Variants in HTRA2 observed in about 807,000 individuals in gnomAD.
The protein encoded by HTRA2 is HtrA serine peptidase 2, also known as serine protease HTRA2, mitochondrial.
HTRA2 carries 24 observed loss-of-function variants against 42.2 expected under a neutral mutation model. That is an observed-to-expected ratio of 0.57 (90% confidence interval 0.41 to 0.80). The LOEUF (loss-of-function observed/expected upper bound fraction) is 0.80. Among genes scored for constraint, HTRA2 ranks in the 30% least tolerant of loss-of-function variants. The probability of loss-of-function intolerance (pLI) is 0.00; values close to 1 mark genes in which losing one functional copy is unlikely to be tolerated. For synonymous variants in HTRA2, 245 were observed against 255.8 expected (o/e 0.96, Z 0.40); for missense variants, 466 against 613.5 (o/e 0.76, Z 2.54).
rs758108369 is a variant in HTRA2 at position 74,532,634 on chromosome 2, A to G, written c.1131A>G (p.Leu377=). ...LTLSPSILAE[L]QLREPSFPDV... The stretch of plus-strand genomic sequence containing the variant: ...GTACTTTCAGCATCCTTGCTGAACT[A>G]CAGCTTCGAGAACCAAGCTTTCCCG... Residue 377 remains leucine (L), a synonymous_variant, in exon 7 of 8, where the codon CTA becomes CTG. Transcript: ENST00000258080. 1.2e-4 allele frequency: 196 copies of G among 1,613,420 alleles called. No homozygotes were observed. The highest frequency in any genetic ancestry group is 1.6e-4 in the Non-Finnish European group (189 of 1,180,012).
upstream of HTRA2, chr2:74,529,483 A>C (rs372473706): frequency 1.5e-5 from 24 of 1,555,900 alleles, no homozygotes; most frequent in African/African-American, 3.0e-4. Context: ...AGCAGTAGGA[A>C]GCAGTCACCC....
In HTRA2 at chr2:74,529,990, C is replaced by A. The variant is rs749968474; in HGVS notation, c.-17C>A. The A allele has an allele frequency of 1.7e-5, 26 of 1,511,320 alleles. No individual in the cohort carries two copies. In the Middle Eastern group the frequency reaches 6.7e-4, roughly 39 times the overall value. 93.6% of individuals were successfully genotyped at this position (1,511,320 alleles called of 1,614,324 possible). On this transcript the variant is annotated 5_prime_UTR_variant, in exon 1 of 8. Coordinates refer to ENST00000258080, the MANE Select transcript of HTRA2 (RefSeq NM_013247.5). ...CCTCTGAGTAGGGCGGGCGAGGAGG[C>A]AGCCAAGGCGGAGCTGATGGCTGCG...
upstream of HTRA2, chr2:74,529,719 C>A (rs1332925210): frequency 6.5e-7 from 1 of 1,529,500 alleles, no homozygotes; most frequent in Admixed American, 2.0e-5. Context: ...AGTCTTTGGG[C>A]ATCCGCCCGG....
upstream of HTRA2, chr2:74,529,462 G>A (rs992422054): frequency 1.6e-5 from 25 of 1,562,692 alleles, no homozygotes; most frequent in Non-Finnish European, 1.5e-5. Flanking sequence ...GGCGCGTAGA[G>A]CAGCAGCACG....
In HTRA2 at chr2:74,532,612, C is replaced by T; in HGVS notation, c.1116-7C>T. 6.2e-7 allele frequency: 1 copy of T among 1,612,076 alleles called. No homozygotes were observed. Among genetic ancestry groups the T allele is most frequent in the Non-Finnish European group, 8.5e-7 (1 of 1,178,892 alleles). On this transcript the variant is annotated splice_polypyrimidine_tract_variant and splice_region_variant and intron_variant, in intron 6 of 7. Coordinates refer to ENST00000258080, the MANE Select transcript of HTRA2 (RefSeq NM_013247.5). The stretch of plus-strand genomic sequence containing the variant: ...TTTGGCTAATAGGGTGATCTGTGTA[C>T]TTTCAGCATCCTTGCTGAACTACAG...
intron 6 of HTRA2, 137 bp downstream of exon 6, chr2:74,532,062 CCCTT>C (rs1445274205): frequency 2.1e-5 from 18 of 868,164 alleles, no homozygotes; most frequent in Admixed American, 1.2e-4. Context: ...AGAGCTGTCT[CCCTT>C]CATCATCTTG....
At chr2:74,529,536 C>T, upstream of HTRA2, 1 of 1,549,592 alleles carries the variant, frequency 6.5e-7, no homozygotes, top group Non-Finnish European at 8.7e-7. Context: ...GCGCCGAAGG[C>T]CGAGAGCACG....
chr2:74,529,762 G>C (rs1483842039), upstream of HTRA2: 1 of 1,488,888 alleles, frequency 6.7e-7, no homozygotes, highest in Non-Finnish European at 8.9e-7. Flanking sequence ...AGGCGCGCCG[G>C]AAGGGCTAGC....
intron 6 of HTRA2, among the ~76,000 whole-genome samples, 178 bp downstream of exon 6, chr2:74,532,103 C>T (rs1181795715): frequency 6.6e-6 from 1 of 152,206 alleles, no homozygotes; most frequent in Admixed American, 6.5e-5. Flanking sequence ...CCACTTTGTA[C>T]ACCTGTCACC....
chr2:74,531,224 G>C, intron 3 of HTRA2, 115 bp from the exon 4 acceptor site: 1 of 1,541,578 alleles, frequency 6.5e-7, no homozygotes, highest in Non-Finnish European at 9.0e-7. Flanking sequence ...GCAAAAATGT[G>C]GCCACTTATT....
At position 74,533,006 on chromosome 2, in the gene HTRA2, G is replaced by T; in HGVS notation, c.*21G>T. Reference sequence around the variant, plus strand: ...AATGAATAGATCACCAAGAGTATGAGGCTCCTGCTCTGATTTCCTCCTTGC... The same window carrying T: ...AATGAATAGATCACCAAGAGTATGATGCTCCTGCTCTGATTTCCTCCTTGC... On this transcript the variant is annotated 3_prime_UTR_variant, in exon 8 of 8. Coordinates refer to ENST00000258080, the MANE Select transcript of HTRA2 (RefSeq NM_013247.5). 1 of 1,611,988 alleles carries T rather than the reference G, an allele frequency of 6.2e-7. No homozygotes were observed. Among genetic ancestry groups the T allele is most frequent in the Non-Finnish European group, 8.5e-7 (1 of 1,178,654 alleles).
Position 74,530,284 on chromosome 2 carries a change from G to A in HTRA2, c.278G>A (p.Arg93Gln), listed in dbSNP as rs755085202. ...GCGGTGACCCCAGATACCAGGACCC[G>A]GGAGGCCTCAGAGAACTCTGGAACC... The part of the protein sequence containing the change: ...LTAVTPDTRT[R>Q]EASENSGTRS... The change falls in exon 1 of 8, where the codon CGG (arginine) becomes CAG (glutamine). Residue 93 changes from arginine to glutamine, a missense_variant. Physicochemically the swap from Arg to Gln is conservative, Grantham distance 43. Transcript: ENST00000258080. The surrounding 1 kb of genome is among the most constrained non-coding windows in gnomAD (Gnocchi z 7.4). 1.2e-6 allele frequency: 2 copies of A among 1,604,558 alleles called. No homozygotes were observed. Among genetic ancestry groups the A allele is most frequent in the Admixed American group, 1.7e-5 (1 of 59,364 alleles).
chr2:74,529,626 C>G (rs1487905172), upstream of HTRA2: 1 of 1,567,704 alleles, frequency 6.4e-7, no homozygotes, highest in Non-Finnish European at 8.6e-7. Flanking sequence ...GAGGGAAGCT[C>G]CATAACTGCT....
chr2:74,533,543 G>T, downstream of HTRA2: 1 of 1,453,334 alleles, frequency 6.9e-7, no homozygotes, highest in East Asian at 2.3e-5. Context: ...AGCTCCTGAG[G>T]TAATGGCAGC....
chr2:74,531,666 C>A lies in HTRA2; in HGVS notation c.1009C>A (p.Arg337Ser), dbSNP rs766432598. ...AATCTCCTTTGCCATCCCTTCTGAT[C>A]GTCTTCGAGAGTTTCTGCATCGTGG... is the stretch of plus-strand genomic sequence containing the variant. ...AGISFAIPSD[R>S]LREFLHRGEK... The change falls in exon 5 of 8, where the codon CGT becomes AGT. Residue 337 changes from arginine to serine, a missense_variant. Around this residue, in one of 3 missense-constraint regions of HTRA2, gnomAD observed 129 missense variants for 163.1 expected, o/e 0.79. Coordinates refer to ENST00000258080, the MANE Select transcript of HTRA2 (RefSeq NM_013247.5). 6.2e-7 allele frequency: 1 copy of A among 1,613,988 alleles called. No individual in the cohort carries two copies. Among genetic ancestry groups the A allele is most frequent in the Non-Finnish European group, 8.5e-7 (1 of 1,180,042 alleles).
rs1175663219 is a variant in HTRA2, at chr2:74,530,137, C to G, written c.131C>G (p.Ser44Cys). The change falls in exon 1 of 8, where the codon TCT becomes TGT. Residue 44 changes from serine (S) to cysteine (C), a missense_variant. Physicochemically the swap from Ser to Cys is moderately radical, Grantham distance 112. Transcript: ENST00000258080. This position sits in a 1 kb window ranked among gnomAD's most constrained non-coding sequence, Gnocchi z 7.4. ...CGGGCCCTGCTGACGTCAGGAACTT[C>G]TGACCCCCGGGCCCGAGTGACTTAT... ...DLRALLTSGT[S>C]DPRARVTYGT... 3 of 1,612,258 alleles carry G rather than the reference C, an allele frequency of 1.9e-6. No homozygotes were observed.
rs370193574 is a variant in HTRA2 at position 74,531,112 on chromosome 2, C to T, written c.906+7C>T. ...AACTGATGCAGCTATTGATGTGCGT[C>T]CTGATAGGAGAGAAATGACAAATGA... is the stretch of plus-strand genomic sequence containing the variant. On this transcript the variant is annotated splice_region_variant and intron_variant, in intron 3 of 7. Coordinates refer to ENST00000258080, the MANE Select transcript of HTRA2 (RefSeq NM_013247.5). 1.4e-5 allele frequency: 23 copies of T among 1,613,782 alleles called. No individual in the cohort carries two copies. In the African/African-American group the frequency reaches 2.5e-4, roughly 18 times the overall value.
chr2:74,530,109 C>T lies in HTRA2; in HGVS notation c.103C>T (p.Leu35Phe), dbSNP rs1423332477. ...WGRRPRLTPDLRALLTSGTSD... is the reference protein window; with the variant it reads ...WGRRPRLTPDFRALLTSGTSD... ...GAGGAGACCCCGTTTGACCCCTGACCTCCGGGCCCTGCTGACGTCAGGAAC... is the reference window on the plus strand; with the variant it reads ...GAGGAGACCCCGTTTGACCCCTGACTTCCGGGCCCTGCTGACGTCAGGAAC... Residue 35 changes from leucine to phenylalanine, a missense_variant, in exon 1 of 8, where the codon CTC (leucine) becomes TTC (phenylalanine). This residue lies in a region of HTRA2 where 222 missense variants were observed against 205.1 expected (regional missense o/e 1.08). Transcript: ENST00000258080. The surrounding 1 kb of genome is among the most constrained non-coding windows in gnomAD (Gnocchi z 7.4). 1.2e-6 allele frequency: 2 copies of T among 1,609,064 alleles called. No homozygotes were observed. Among genetic ancestry groups the T allele is most frequent in the Non-Finnish European group, 1.7e-6 (2 of 1,176,950 alleles).
chr2:74,530,232 AC>A lies in HTRA2; in HGVS notation c.230del (p.Pro77ArgfsTer7). ...ACCCCGAGCATGCCTGACGTCTGGGACCCCGGGTCCCCGGGCACAACTGACT... is the reference window on the plus strand; with the variant it reads ...ACCCCGAGCATGCCTGACGTCTGGGACCCGGGTCCCCGGGCACAACTGACT... The part of the protein sequence containing the change: ...TEPRACLTSG[T>X]PGPRAQLTAV... On this transcript the variant is annotated frameshift_variant, in exon 1 of 8. Transcript: ENST00000258080. LOFTEE classifies it high-confidence loss of function. This position sits in a 1 kb window ranked among gnomAD's most constrained non-coding sequence, Gnocchi z 7.4. The A allele has an allele frequency of 6.2e-7, 1 of 1,609,726 alleles. No homozygotes were observed. Among genetic ancestry groups the A allele is most frequent in the South Asian group, 1.1e-5 (1 of 90,602 alleles).
Sources: allele counts gnomAD v4.1 joint callset (sites outside exome capture counted in the v4.1 genomes callset), GRCh38; gene constraint gnomAD v4.1.1; regional missense constraint gnomAD v4.1.1; non-coding constraint Gnocchi (gnomAD v3.1); transcripts MANE v1.5; gene names NCBI Gene and HGNC (gene_info 2026-07-23, HGNC 2026-07-21).